The following SLC24A2 variants were observed in gnomAD, a reference collection of about 807,000 sequenced individuals.
SLC24A2 encodes the protein sodium/potassium/calcium exchanger 2.
In SLC24A2, 36 loss-of-function variants were observed where a neutral mutation model predicts 62.0. That is an observed-to-expected ratio of 0.58 (90% CI 0.44 to 0.77). The LOEUF is 0.77. SLC24A2 is among the 30% of genes least tolerant of loss of function. The pLI, the probability that SLC24A2 is intolerant of heterozygous loss-of-function variation, is 0.00. For synonymous variants in SLC24A2, 358 were observed against 294.0 expected, an observed-to-expected ratio of 1.22 and a Z score of -2.23; for missense variants, 846 against 817.9, an observed-to-expected ratio of 1.03 and a Z score of -0.42.
chr9:19,990,282 A>T, the SLC24A2 span, among the ~76,000 whole-genome samples: 1 of 152,040 alleles, frequency 6.6e-6, no homozygotes, highest in Non-Finnish European at 1.5e-5. Context: ...TTTGCTTTCC[A>T]TGGTTTAGGT....
In SLC24A2 at chr9:19,632,555, A is replaced by G. The variant is rs1818205620; in HGVS notation, c.931-10256T>C. Among the ~76,000 whole-genome samples, 1 of 152,266 alleles carries G rather than the reference A, an allele frequency of 6.6e-6. No homozygotes were observed. Among genetic ancestry groups the G allele is most frequent in the Non-Finnish European group, 1.5e-5 (1 of 68,044 alleles). On this transcript the variant is annotated intron_variant, in intron 2 of 10. Transcript: ENST00000341998. The surrounding 1 kb of genome is among the most constrained non-coding windows in gnomAD (Gnocchi z 4.5). Reference sequence around the variant, plus strand: ...AAATCCTTGCTGACCTTTATCGAGCACTAACTACAGTTGAAATACTGGGCT... The same window carrying G: ...AAATCCTTGCTGACCTTTATCGAGCGCTAACTACAGTTGAAATACTGGGCT...
the SLC24A2 span, among the ~76,000 whole-genome samples, chr9:19,873,430 C>T: frequency 1.4e-5 from 2 of 142,466 alleles, no homozygotes; most frequent in African/African-American, 5.3e-5. Context: ...CTCTTTCTCT[C>T]TCTCCTTCCT....
the SLC24A2 span, among the ~76,000 whole-genome samples, chr9:19,911,759 C>G: frequency 6.6e-6 from 1 of 152,148 alleles, no homozygotes; most frequent in East Asian, 1.9e-4. Context: ...ATGGTAGGAA[C>G]TCCACTTGAC....
chr9:20,254,059 G>A, the SLC24A2 span, among the ~76,000 whole-genome samples: 1 of 152,160 alleles, frequency 6.6e-6, no homozygotes, highest in African/African-American at 2.4e-5. Context: ...AGAAGCAGAA[G>A]CAGAAAATAA....
chr9:20,097,728 T>G, the SLC24A2 span, among the ~76,000 whole-genome samples: 1 of 57,454 alleles, frequency 1.7e-5, no homozygotes, highest in Admixed American at 2.0e-4. Flanking sequence ...TAATTTTTTT[T>G]TTTTTTTTTT....
At chr9:20,038,926 T>G in the SLC24A2 span, among the ~76,000 whole-genome samples, 1 of 152,226 alleles carries the variant, frequency 6.6e-6, no homozygotes, top group African/African-American at 2.4e-5. Context: ...TCGTAAAATT[T>G]TTTTAAAAGC....
At chr9:20,057,239 T>G in the SLC24A2 span, among the ~76,000 whole-genome samples, 1 of 152,220 alleles carries the variant, frequency 6.6e-6, no homozygotes, top group Admixed American at 6.5e-5. Context: ...AAAGCTAAAT[T>G]TGAGCGTGTG....
chr9:19,664,991 CA>C (rs1223396644), intron 2 of SLC24A2, among the ~76,000 whole-genome samples: 2 of 152,174 alleles, frequency 1.3e-5, no homozygotes, highest in African/African-American at 4.8e-5. Flanking sequence ...CCCTAGAAAA[CA>C]AATACGCCTT....
chr9:19,557,939 C>T (rs937439791), intron 7 of SLC24A2, among the ~76,000 whole-genome samples: 3 of 151,572 alleles, frequency 2.0e-5, no homozygotes, highest in Non-Finnish European at 2.9e-5. Context: ...CCCACTTTAG[C>T]CTCCCAAGTA....
rs114711422 is a variant in SLC24A2 at position 19,560,619 on chromosome 9, G to C, written c.1348-10351C>G. On this transcript the variant is annotated intron_variant, in intron 7 of 10. Transcript: ENST00000341998. ...CTTGATCTTGGACTTCCAACCCCTA[G>C]ATCTGTGGCAAAATAAACTGTTGTT... Among the ~76,000 whole-genome samples, 1,114 of 152,208 alleles carry C rather than the reference G, an allele frequency of 7.3e-3. 15 individuals carry two copies. Among genetic ancestry groups the C allele is most frequent in the African/African-American group, 0.026 (1,067 of 41,532 alleles).
At chr9:20,271,636 G>C in the SLC24A2 span, among the ~76,000 whole-genome samples, 1,466 of 152,180 alleles carry the variant, frequency 9.6e-3, 17 homozygotes, top group African/African-American at 0.031. Flanking sequence ...AGCATCTTAG[G>C]AAAGAAAAGC....
rs762315996 is a variant in SLC24A2 at position 19,786,107 on chromosome 9, T to C, written c.760A>G (p.Ile254Val). ...ATGATGACATTATCCAGGAAAAATATGATCAGCATGATCAAGTCAACAATG... is the reference window on the plus strand; with the variant it reads ...ATGATGACATTATCCAGGAAAAATACGATCAGCATGATCAAGTCAACAATG... ...FYIVDLIMLI[I>V]FFLDNVIMWW... The change falls in exon 2 of 11, where the codon ATA becomes GTA. Residue 254 changes from isoleucine (I) to valine (V), a missense_variant. Coordinates refer to ENST00000341998, the MANE Select transcript of SLC24A2 (RefSeq NM_020344.4). This position sits in a 1 kb window ranked among gnomAD's most constrained non-coding sequence, Gnocchi z 5.0. 1.2e-6 allele frequency: 2 copies of C among 1,614,190 alleles called. No individual in the cohort carries two copies. The highest frequency in any genetic ancestry group is 1.7e-5 in the Admixed American group (1 of 60,024).
chr9:20,003,901 A>G, the SLC24A2 span, among the ~76,000 whole-genome samples: 1 of 152,132 alleles, frequency 6.6e-6, no homozygotes, highest in Non-Finnish European at 1.5e-5. Flanking sequence ...GAAAAAAAAA[A>G]AAAACAGGAT....
At chr9:19,585,460 A>AAGT (rs1836345667) in intron 5 of SLC24A2, among the ~76,000 whole-genome samples, 2 of 152,190 alleles carry the variant, frequency 1.3e-5, no homozygotes, top group Non-Finnish European at 2.9e-5. Flanking sequence ...CAGCACTTGG[A>AAGT]AGTAATCAGT....
At chr9:20,170,331 T>A in the SLC24A2 span, among the ~76,000 whole-genome samples, 3 of 151,960 alleles carry the variant, frequency 2.0e-5, no homozygotes, top group Non-Finnish European at 2.9e-5. Context: ...AGCACTCCCA[T>A]CAACTAAGAT....
At chr9:19,964,118 G>A in the SLC24A2 span, among the ~76,000 whole-genome samples, 1 of 148,792 alleles carries the variant, frequency 6.7e-6, no homozygotes, top group Admixed American at 6.8e-5. Context: ...CTATCGCAAG[G>A]ACAAAAAACC....
At chr9:19,734,443 G>A (rs559992231) in intron 2 of SLC24A2, among the ~76,000 whole-genome samples, 51 of 152,268 alleles carry the variant, frequency 3.3e-4, no homozygotes, top group African/African-American at 1.2e-3. Context: ...GTAGCTTGAT[G>A]GGGATGGCAT....
chr9:19,732,546 T>C (rs530277449), intron 2 of SLC24A2, among the ~76,000 whole-genome samples: 19 of 152,308 alleles, frequency 1.2e-4, no homozygotes, highest in Middle Eastern at 6.8e-3. Context: ...TATGCATAAA[T>C]TGTAGAAAGA....
chr9:19,724,962 C>A (rs1211457560), intron 2 of SLC24A2, among the ~76,000 whole-genome samples: 1 of 152,148 alleles, frequency 6.6e-6, no homozygotes, highest in Non-Finnish European at 1.5e-5. Context: ...TGTAGCCTCC[C>A]CAACACTCCT....
Sources: allele counts gnomAD v4.1 joint callset (sites outside exome capture counted in the v4.1 genomes callset), GRCh38; gene constraint gnomAD v4.1.1; non-coding constraint Gnocchi (gnomAD v3.1); transcripts MANE v1.5; gene names NCBI Gene and HGNC (gene_info 2026-07-23, HGNC 2026-07-21).